Variants in MASP1 observed in about 807,000 individuals in gnomAD.
MASP1 encodes the protein MBL associated serine protease 1, also known as mannan-binding lectin serine protease 1.
A neutral mutation model predicts 77.1 loss-of-function variants in MASP1; 59 were observed. That is an observed-to-expected ratio of 0.77 (90% CI 0.62 to 0.95). The LOEUF is 0.95. Among genes scored for constraint, MASP1 ranks in the 40% least tolerant of loss-of-function variants. The pLI is 0.00. For missense variants in MASP1, 885 were observed against 912.9 expected, an observed-to-expected ratio of 0.97 and a Z score of 0.39; for synonymous variants, 362 against 354.5, an observed-to-expected ratio of 1.02 and a Z score of -0.24.
chr3:187,290,889 AG>A (rs1195608877), intron 1 of MASP1, among the ~76,000 whole-genome samples: 4 of 152,016 alleles, frequency 2.6e-5, no homozygotes, highest in African/African-American at 9.7e-5. Context: ...AGGTCTGGTA[AG>A]GAGTGTCAAG....
At position 187,236,302 on chromosome 3, in the gene MASP1, A is replaced by G. The variant is rs779330371; in HGVS notation, c.1569T>C (p.His523=). Residue 523 remains histidine, a synonymous_variant, in exon 11 of 11, where the codon CAT becomes CAC. Coordinates refer to ENST00000296280, the MANE Select transcript of MASP1 (RefSeq NM_139125.4). ...CTGCCCCCGATTTGTCTCGCACATC[A>G]TGCAAGCCCAGGTAGACGGTGACAT... ...KEHVTVYLGL[H]DVRDKSGAVN... The G allele has an allele frequency of 6.2e-7, 1 of 1,614,244 alleles. No homozygotes were observed. The highest frequency in any genetic ancestry group is 8.5e-7 in the Non-Finnish European group (1 of 1,180,042).
chr3:187,228,591 A>AT (rs940106305), intron 11 of MASP1, among the ~76,000 whole-genome samples: 1 of 150,798 alleles, frequency 6.6e-6, no homozygotes, highest in Non-Finnish European at 1.5e-5. Flanking sequence ...CCTCTATCTT[A>AT]TTTTCCAGGT....
intron 13 of MASP1, among the ~76,000 whole-genome samples, chr3:187,224,469 C>T (rs560806197): frequency 6.6e-6 from 1 of 150,822 alleles, no homozygotes; most frequent in South Asian, 2.1e-4. Flanking sequence ...GCCTCAGCCT[C>T]CCAAGTAGCT....
intron 8 of MASP1, chr3:187,246,545 A>G: frequency 3.0e-6 from 3 of 985,516 alleles, no homozygotes; most frequent in Non-Finnish European, 3.6e-6. Flanking sequence ...ATTCTCTGAC[A>G]TGTGTGTCCA....
chr3:187,276,997 C>T lies in MASP1; in HGVS notation c.237+8828G>A, dbSNP rs370821952. On this transcript the variant is annotated intron_variant, in intron 2 of 10. Transcript: ENST00000296280. Reference sequence around the variant, plus strand: ...GGGTCAGAAGAGTCCCACTTGGGAGCGACTTACCTCTCAATTACACAGCAG... The same window carrying T: ...GGGTCAGAAGAGTCCCACTTGGGAGTGACTTACCTCTCAATTACACAGCAG... Among the ~76,000 whole-genome samples, 193 of 152,172 alleles carry T rather than the reference C, an allele frequency of 1.3e-3. 1 individual carries two copies. Among genetic ancestry groups the T allele is most frequent in the African/African-American group, 4.4e-3 (183 of 41,526 alleles).
At chr3:187,284,763 C>T (rs1234055439) in intron 2 of MASP1, among the ~76,000 whole-genome samples, 3 of 152,192 alleles carry the variant, frequency 2.0e-5, no homozygotes, top group Non-Finnish European at 4.4e-5. Context: ...GGGTGAGTTG[C>T]TTAACCTTCC....
Position 187,278,123 on chromosome 3 carries a change from A to G in MASP1, c.237+7702T>C, listed in dbSNP as rs1254209642. ...ATTTACTTCATTTGGCATTCACAGT[A>G]AGTCTATGAAATAAGCATCATTATT... On this transcript the variant is annotated intron_variant, in intron 2 of 10. Transcript: ENST00000296280. 2.0e-5 allele frequency among the ~76,000 whole-genome samples: 3 copies of G among 152,248 alleles called. No individual in the cohort carries two copies. The East Asian group carries it at 5.8e-4, about 29-fold the overall frequency.
intron 2 of MASP1, among the ~76,000 whole-genome samples, chr3:187,264,066 A>C (rs1019723162): frequency 6.6e-6 from 1 of 152,216 alleles, no homozygotes; most frequent in African/African-American, 2.4e-5. Flanking sequence ...TATCTCTAGT[A>C]GCTTCTAATG....
intron 2 of MASP1, among the ~76,000 whole-genome samples, chr3:187,269,444 G>A (rs919012164): frequency 1.7e-4 from 26 of 152,108 alleles, no homozygotes; most frequent in African/African-American, 4.8e-5. Flanking sequence ...TACAGAAAGC[G>A]AACTGAATAG....
chr3:187,225,520 A>G, intron 12 of MASP1: 3 of 1,614,114 alleles, frequency 1.9e-6, no homozygotes, highest in Non-Finnish European at 2.5e-6. Flanking sequence ...CTGGGCAAGA[A>G]GAAGACATGT....
At chr3:187,282,588 C>G (rs551234169) in intron 2 of MASP1, among the ~76,000 whole-genome samples, 1 of 148,810 alleles carries the variant, frequency 6.7e-6, no homozygotes, top group Non-Finnish European at 1.5e-5. Flanking sequence ...CCCCAGAGGG[C>G]CCCTGCAGCC....
rs552902709 is a variant in MASP1, at chr3:187,222,068, G to T, written c.1810-934C>A. 2.6e-5 allele frequency among the ~76,000 whole-genome samples: 4 copies of T among 152,302 alleles called. No individual in the cohort carries two copies. The East Asian group carries it at 5.8e-4, about 22-fold the overall frequency. Reference sequence around the variant, plus strand: ...CCCTCTTGGGTCATGGCCTTCCCTGGATAAGGGGAGAGGAAGCCAGGGCAG... The same window carrying T: ...CCCTCTTGGGTCATGGCCTTCCCTGTATAAGGGGAGAGGAAGCCAGGGCAG... On this transcript the variant is annotated intron_variant, in intron 14 of 15. Coordinates refer to the MASP1 transcript ENST00000337774.
chr3:187,243,436 C>T lies in MASP1; in HGVS notation c.1228+48G>A, dbSNP rs1298105622. On this transcript the variant is annotated intron_variant, in intron 9 of 10. Coordinates refer to ENST00000296280, the MANE Select transcript of MASP1 (RefSeq NM_139125.4). ...TCGGCCCCCAGTCCAACCCTGAGGC[C>T]CCGAGAGTGTGAAACGGGAGTGGGA... 3.7e-6 allele frequency: 6 copies of T among 1,610,680 alleles called. No homozygotes were observed. In the South Asian group the frequency reaches 4.4e-5, roughly 12 times the overall value.
At chr3:187,269,948 G>A (rs1716377709) in intron 2 of MASP1, among the ~76,000 whole-genome samples, 1 of 138,816 alleles carries the variant, frequency 7.2e-6, no homozygotes, top group Non-Finnish European at 1.6e-5. Flanking sequence ...ACGGCTAATG[G>A]GATAAAACTT....
At chr3:187,265,698 G>A (rs1715961941) in intron 2 of MASP1, among the ~76,000 whole-genome samples, 1 of 152,186 alleles carries the variant, frequency 6.6e-6, no homozygotes, top group African/African-American at 2.4e-5. Context: ...GCTCAAGGCT[G>A]GAGAGATAAC....
exon 16 of MASP1, chr3:187,218,588 A>AAT (rs60304276): frequency 0.14 from 20,840 of 150,208 alleles, 1,825 homozygotes; most frequent in East Asian, 0.47. Flanking sequence ...CCTGGGGCTT[A>AAT]ATATATATAT....
intron 4 of MASP1, among the ~76,000 whole-genome samples, chr3:187,258,946 G>C (rs1715329344): frequency 6.6e-6 from 1 of 152,142 alleles, no homozygotes; most frequent in Non-Finnish European, 1.5e-5. Context: ...TCTTTGCTCA[G>C]TTAAACTCTG....
chr3:187,245,720 A>G (rs1343946761), intron 8 of MASP1, among the ~76,000 whole-genome samples: 1 of 152,160 alleles, frequency 6.6e-6, no homozygotes, highest in Non-Finnish European at 1.5e-5. Flanking sequence ...TCTTTGCTTT[A>G]GGAAGGGTTT....
At chr3:187,229,123 T>C (rs1399903028), downstream of MASP1, among the ~76,000 whole-genome samples, 3 of 152,228 alleles carry the variant, frequency 2.0e-5, no homozygotes, top group Admixed American at 6.5e-5. Context: ...AGATCTTAGA[T>C]TGCCTGGACC....
Sources: allele counts gnomAD v4.1 joint callset (sites outside exome capture counted in the v4.1 genomes callset), GRCh38; gene constraint gnomAD v4.1.1; transcripts MANE v1.5; gene names NCBI Gene and HGNC (gene_info 2026-07-23, HGNC 2026-07-21).